CCDC141: variants seen among roughly 807,000 people sequenced by gnomAD.
The protein encoded by CCDC141 is coiled-coil domain-containing protein 141.
Under a neutral mutation model 181.0 loss-of-function variants are expected in CCDC141, and 168 were observed. The ratio of observed to expected loss-of-function variants is 0.93; its 90% confidence interval spans 0.82 to 1.05. The LOEUF is 1.05. CCDC141 is among the 50% of genes least tolerant of loss of function. The pLI, the probability that CCDC141 is intolerant of heterozygous loss-of-function variation, is 0.00. For missense variants in CCDC141, 1,902 were observed against 1,788.5 expected, an observed-to-expected ratio of 1.06 and a Z score of -1.14; for synonymous variants, 666 against 642.3, an observed-to-expected ratio of 1.04 and a Z score of -0.56.
intron 2 of CCDC141, among the ~76,000 whole-genome samples, chr2:179,041,784 C>T (rs901940203): frequency 6.6e-6 from 1 of 152,168 alleles, no homozygotes; most frequent in African/African-American, 2.4e-5. Flanking sequence ...ACAAAACAGA[C>T]TGTAAACCAA....
intron 2 of CCDC141, among the ~76,000 whole-genome samples, chr2:179,028,356 C>T (rs79382622): frequency 0.028 from 4,291 of 152,312 alleles, 70 homozygotes; most frequent in Middle Eastern, 0.092. Context: ...CCTCATCTCT[C>T]CCATACTAAC....
At chr2:178,839,597 AAAAAAAAAAAT>A (rs1251878526) in intron 22 of CCDC141, among the ~76,000 whole-genome samples, 4 of 150,660 alleles carry the variant, frequency 2.7e-5, no homozygotes, top group Admixed American at 6.6e-5. Flanking sequence ...AAAAAAAAAA[AAAAAAAAAAAT>A]GTGTTTTCAG....
At chr2:178,906,404 T>A (rs75235644) in intron 7 of CCDC141, among the ~76,000 whole-genome samples, 266 of 152,306 alleles carry the variant, frequency 1.7e-3, no homozygotes, top group African/African-American at 6.1e-3. Context: ...AGCGCAGTCA[T>A]CTTTGTAGGT....
At chr2:178,945,824 C>T (rs558160044) in intron 5 of CCDC141, among the ~76,000 whole-genome samples, 32 of 148,990 alleles carry the variant, frequency 2.1e-4, no homozygotes, top group Admixed American at 5.5e-4. Context: ...TCAGAAGTTC[C>T]ACACAATAAA....
rs187707950 is a variant in CCDC141, at chr2:178,981,462, A to T, written c.226-2787T>A. Among the ~76,000 whole-genome samples, 730 of 151,692 alleles carry T rather than the reference A, an allele frequency of 4.8e-3. 9 individuals carry two copies. Among genetic ancestry groups the T allele is most frequent in the African/African-American group, 0.017 (700 of 41,400 alleles). The stretch of plus-strand genomic sequence containing the variant: ...GAAATATAGCCAAAAATACCACAAT[A>T]TTTTAATATTAAACAACACACTTTA... On this transcript the variant is annotated intron_variant, in intron 2 of 23. Coordinates refer to ENST00000443758, the MANE Select transcript of CCDC141 (RefSeq NM_173648.4).
chr2:178,940,260 A>G (rs1020212053), intron 6 of CCDC141, among the ~76,000 whole-genome samples: 1 of 152,152 alleles, frequency 6.6e-6, no homozygotes, highest in Admixed American at 6.6e-5. Context: ...GTTAGGAAGG[A>G]TAGAAGTAGA....
rs1411193465 is a variant in CCDC141 at position 178,886,747 on chromosome 2, T to C, written c.1527+5A>G. The stretch of plus-strand genomic sequence containing the variant: ...AGCCATAATAATCATTCTCATTTTA[T>C]TTACCTTAGCTTGGATATCTAGTTC... On this transcript the variant is annotated splice_donor_5th_base_variant and intron_variant, in intron 10 of 23. Transcript: ENST00000443758. 2.8e-6 allele frequency: 4 copies of C among 1,422,948 alleles called. No homozygotes were observed. Among genetic ancestry groups the C allele is most frequent in the Admixed American group, 2.7e-5 (1 of 37,728 alleles). The allele number at this position is 1,422,948 out of a possible 1,614,324, so 88.1% of individuals were successfully genotyped here. A position where few individuals can be genotyped will look rare whatever the true frequency, so the allele number is the denominator to read the frequency against.
intron 2 of CCDC141, among the ~76,000 whole-genome samples, chr2:179,015,654 A>ATGTATCT (rs2042496241): frequency 7.2e-6 from 1 of 138,690 alleles, no homozygotes; most frequent in East Asian, 2.1e-4. Flanking sequence ...TATATCTCAT[A>ATGTATCT]CATATATCTC....
chr2:178,837,751 A>T lies in CCDC141; in HGVS notation c.3475-7T>A, dbSNP rs1684551054. 1 of 1,583,062 alleles carries T rather than the reference A, an allele frequency of 6.3e-7. No homozygotes were observed. The highest frequency in any genetic ancestry group is 2.2e-5 in the East Asian group (1 of 44,666). ...CTGCCACCTGCACCTGCCCCTTGAA[A>T]AAAGAAAAGCCAAATCATCCTTATT... On this transcript the variant is annotated splice_polypyrimidine_tract_variant and splice_region_variant and intron_variant, in intron 22 of 23. Coordinates refer to ENST00000443758, the MANE Select transcript of CCDC141 (RefSeq NM_173648.4).
chr2:178,829,397 G>C (rs536436115), downstream of CCDC141, among the ~76,000 whole-genome samples: 19 of 152,316 alleles, frequency 1.2e-4, no homozygotes, highest in South Asian at 3.3e-3. Flanking sequence ...CAACACAAAG[G>C]CTTGTTCACC....
intron 8 of CCDC141, among the ~76,000 whole-genome samples, chr2:178,901,383 C>T (rs2154372448): frequency 6.6e-6 from 1 of 152,074 alleles, no homozygotes; most frequent in Admixed American, 6.6e-5. Context: ...CCGAATCCAG[C>T]AGCACATCAA....
chr2:179,015,066 A>ATATATATAT (rs1559048317), intron 2 of CCDC141, among the ~76,000 whole-genome samples: 3 of 9,216 alleles, frequency 3.3e-4, no homozygotes, highest in African/African-American at 9.1e-4. Context: ...AGAGAGACAG[A>ATATATATAT]GATATATATA....
At chr2:178,916,128 C>A (rs12990128) in intron 7 of CCDC141, among the ~76,000 whole-genome samples, 90,620 of 151,956 alleles carry the variant, frequency 0.6, 27,526 homozygotes, top group Admixed American at 0.67. Flanking sequence ...GCATGACTTC[C>A]TCTAAGAACA....
At chr2:178,874,161 T>C (rs1465460973) in intron 12 of CCDC141, 1 of 152,232 alleles carries the variant, frequency 6.6e-6, no homozygotes, top group African/African-American at 2.4e-5. Flanking sequence ...TTTAAAAGCC[T>C]AGTGGTCCAA....
intron 6 of CCDC141, among the ~76,000 whole-genome samples, chr2:178,919,438 A>G (rs1353937337): frequency 6.6e-6 from 1 of 152,180 alleles, no homozygotes; most frequent in Non-Finnish European, 1.5e-5. Context: ...AAAGACACAG[A>G]AAGAGGCTAA....
chr2:178,942,243 T>G (rs893170010), intron 6 of CCDC141, among the ~76,000 whole-genome samples: 1 of 152,260 alleles, frequency 6.6e-6, no homozygotes. Context: ...GCAACACACC[T>G]GGCTAATCGT....
chr2:178,823,641 A>G, the CCDC141 span, among the ~76,000 whole-genome samples: 3 of 152,204 alleles, frequency 2.0e-5, no homozygotes, highest in African/African-American at 7.2e-5. Flanking sequence ...CGTTGTTATT[A>G]CATTAAAATT....
At chr2:178,976,610 T>G in intron 3 of CCDC141, among the ~76,000 whole-genome samples, 1 of 152,228 alleles carries the variant, frequency 6.6e-6, no homozygotes, top group East Asian at 1.9e-4. Context: ...ATAACCCAAC[T>G]GACAGTTATG....
intron 7 of CCDC141, among the ~76,000 whole-genome samples, chr2:178,908,998 T>A (rs1688104976): frequency 6.6e-6 from 1 of 152,204 alleles, no homozygotes; most frequent in Admixed American, 6.5e-5. Context: ...CTGGTGCCTG[T>A]CATTCATCCC....
Sources: allele counts gnomAD v4.1 joint callset (sites outside exome capture counted in the v4.1 genomes callset), GRCh38; gene constraint gnomAD v4.1.1; transcripts MANE v1.5; gene names NCBI Gene and HGNC (gene_info 2026-07-23, HGNC 2026-07-21).